The following CDH4 variants were observed in gnomAD, a reference collection of about 807,000 sequenced individuals.
CDH4 encodes the protein cadherin-4.
A neutral mutation model predicts 86.0 loss-of-function variants in CDH4; 33 were observed. That is an observed-to-expected ratio of 0.38 (90% CI 0.29 to 0.51). The LOEUF (loss-of-function observed/expected upper bound fraction) is 0.51, where lower values mean the gene tolerates loss of function less well. Ranked by LOEUF, CDH4 falls within the 20% of genes least tolerant of loss-of-function variation. The pLI is 0.86. For synonymous variants in CDH4, 555 were observed against 549.4 expected, an observed-to-expected ratio of 1.01 and a Z score of -0.14; for missense variants, 1,114 against 1,307.4, an observed-to-expected ratio of 0.85 and a Z score of 2.28.
At position 61,605,754 on chromosome 20, in the gene CDH4, C is replaced by T. The variant is rs184227260; in HGVS notation, c.170-137809C>T. Reference sequence around the variant, plus strand: ...TTCCATGAAACAGTAAGCAGATTGCCGTGAGAAGCTGTGACCTGTGGTGCA... The same window carrying T: ...TTCCATGAAACAGTAAGCAGATTGCTGTGAGAAGCTGTGACCTGTGGTGCA... On this transcript the variant is annotated intron_variant, in intron 2 of 15. Transcript: ENST00000614565. 5.9e-3 allele frequency among the ~76,000 whole-genome samples: 900 copies of T among 152,204 alleles called. 3 individuals are homozygous for T. The highest frequency in any genetic ancestry group is 0.024 in the Middle Eastern group (7 of 294).
chr20:61,482,959 C>T (rs1203699985), intron 2 of CDH4, among the ~76,000 whole-genome samples: 2 of 152,188 alleles, frequency 1.3e-5, no homozygotes, highest in Non-Finnish European at 2.9e-5. Flanking sequence ...GTTTGTGCAG[C>T]TGGAAGATGG....
chr20:61,700,859 G>C (rs2087767959), intron 2 of CDH4, among the ~76,000 whole-genome samples: 1 of 152,238 alleles, frequency 6.6e-6, no homozygotes, highest in African/African-American at 2.4e-5. Context: ...AAGCTGGAGT[G>C]CCTGATCTTG....
intron 2 of CDH4, among the ~76,000 whole-genome samples, chr20:61,537,725 G>A (rs2086008225): frequency 2.6e-5 from 4 of 152,154 alleles, no homozygotes; most frequent in Non-Finnish European, 5.9e-5. Flanking sequence ...GACTCAAAAG[G>A]CAGATGCCTT....
intron 2 of CDH4, among the ~76,000 whole-genome samples, chr20:61,611,666 C>T (rs1030714375): frequency 1.2e-4 from 18 of 152,156 alleles, no homozygotes; most frequent in African/African-American, 3.9e-4. Flanking sequence ...TGAGCGATTC[C>T]TCCTGGACTT....
Position 61,829,860 on chromosome 20 carries a change from C to T in CDH4, c.577-14808C>T, listed in dbSNP as rs1282193410. Among the ~76,000 whole-genome samples the T allele has an allele frequency of 6.6e-6, 1 of 152,098 alleles. No homozygotes were observed. Among genetic ancestry groups the T allele is most frequent in the Non-Finnish European group, 1.5e-5 (1 of 67,990 alleles). On this transcript the variant is annotated intron_variant, in intron 4 of 15. Transcript: ENST00000614565. The surrounding 1 kb of genome is among the most constrained non-coding windows in gnomAD (Gnocchi z 4.2). ...GACCAGGGGCAAAGCTCATTTCCCT[C>T]ATCCCTCCCGCCCCTAGCCTGCTGG...
At chr20:61,557,903 C>T (rs1394498544) in intron 2 of CDH4, among the ~76,000 whole-genome samples, 1 of 152,026 alleles carries the variant, frequency 6.6e-6, no homozygotes, top group Admixed American at 6.5e-5. Flanking sequence ...TGTGGTGCAC[C>T]GTCGCTGAAT....
At chr20:61,787,909 G>A (rs1196454598) in intron 4 of CDH4, among the ~76,000 whole-genome samples, 1 of 152,190 alleles carries the variant, frequency 6.6e-6, no homozygotes, top group Non-Finnish European at 1.5e-5. Flanking sequence ...CCAGGGAGAG[G>A]GTGAGAGAGA....
chr20:61,485,038 T>C (rs1443010200), intron 2 of CDH4, among the ~76,000 whole-genome samples: 4 of 152,162 alleles, frequency 2.6e-5, no homozygotes, highest in Non-Finnish European at 4.4e-5. Flanking sequence ...TGGTAAGAAA[T>C]AAGAATTTCA....
In CDH4 at chr20:61,768,300, TGTA is replaced by T. The variant is rs112129235; in HGVS notation, c.397-4700_397-4698del. Among the ~76,000 whole-genome samples, 942 of 152,324 alleles carry T rather than the reference TGTA, an allele frequency of 6.2e-3. 12 individuals are homozygous for T. The highest frequency in any genetic ancestry group is 0.021 in the African/African-American group (883 of 41,568). ...ATGTGCATTTGTGCATGTGTGTACATGTAGTCATACACCCATACATCTGTGCAT... is the reference window on the plus strand; with the variant it reads ...ATGTGCATTTGTGCATGTGTGTACATGTCATACACCCATACATCTGTGCAT... On this transcript the variant is annotated intron_variant, in intron 3 of 15. Coordinates refer to ENST00000614565, the MANE Select transcript of CDH4 (RefSeq NM_001794.5).
chr20:61,817,178 G>T (rs1980761601), intron 4 of CDH4, among the ~76,000 whole-genome samples: 1 of 152,222 alleles, frequency 6.6e-6, no homozygotes, highest in African/African-American at 2.4e-5. Context: ...GCGCAGCCCT[G>T]ATACCTGAGT....
At chr20:61,679,834 C>T (rs555243850) in intron 2 of CDH4, among the ~76,000 whole-genome samples, 4 of 152,222 alleles carry the variant, frequency 2.6e-5, no homozygotes, top group Non-Finnish European at 4.4e-5. Flanking sequence ...GAGCAGACCC[C>T]GGAGCTTTGC....
intron 2 of CDH4, among the ~76,000 whole-genome samples, chr20:61,683,474 CCGTGGGCAGG>C (rs2087541323): frequency 1.3e-5 from 2 of 152,108 alleles, no homozygotes; most frequent in African/African-American, 4.8e-5. Flanking sequence ...TCGTGGAGGC[CCGTGGGCAGG>C]TGCCCCGGGA....
chr20:61,712,161 G>A (rs1568770962), intron 2 of CDH4, among the ~76,000 whole-genome samples: 1 of 152,190 alleles, frequency 6.6e-6, no homozygotes, highest in East Asian at 1.9e-4. Context: ...TGGTGAGGCT[G>A]AGTGGTCCAA....
intron 2 of CDH4, among the ~76,000 whole-genome samples, chr20:61,279,807 C>T (rs1480538736): frequency 1.3e-5 from 2 of 152,194 alleles, no homozygotes; most frequent in Non-Finnish European, 2.9e-5. Flanking sequence ...GAGCTGTGGG[C>T]GGCCAGGTGC....
At chr20:61,784,672 G>A (rs1482597738) in intron 4 of CDH4, among the ~76,000 whole-genome samples, 57 of 69,148 alleles carry the variant, frequency 8.2e-4, no homozygotes, top group East Asian at 3.3e-3. Flanking sequence ...GCCCTCAGAT[G>A]TCCTGTGCCC....
intron 2 of CDH4, among the ~76,000 whole-genome samples, chr20:61,682,123 G>A (rs117381341): frequency 0.04 from 6,034 of 152,310 alleles, 203 homozygotes; most frequent in South Asian, 0.16. Flanking sequence ...TGGGAAGGTG[G>A]ACCAAGGAAT....
At chr20:61,891,063 C>T (rs181027030) in intron 7 of CDH4, among the ~76,000 whole-genome samples, 107 of 151,968 alleles carry the variant, frequency 7.0e-4, no homozygotes, top group East Asian at 1.2e-3. Flanking sequence ...GTCTCACCAG[C>T]GGAAGGAGGG....
At chr20:61,656,296 G>A (rs1223836583) in intron 2 of CDH4, among the ~76,000 whole-genome samples, 3 of 113,264 alleles carry the variant, frequency 2.6e-5, no homozygotes, top group South Asian at 2.9e-4. Context: ...CGCGTGCTGG[G>A]GTGGGTAGGC....
At chr20:61,343,158 G>A (rs2084657971) in intron 2 of CDH4, among the ~76,000 whole-genome samples, 1 of 152,186 alleles carries the variant, frequency 6.6e-6, no homozygotes, top group African/African-American at 2.4e-5. Context: ...TGCTGTGGCT[G>A]GTGACACGCA....
Sources: gnomAD v4.1 joint callset for allele counts (sites outside exome capture counted in the v4.1 genomes callset) on GRCh38, gnomAD v4.1.1 for gene constraint, Gnocchi (gnomAD v3.1) non-coding constraint, MANE v1.5 for transcripts, NCBI Gene and HGNC (gene_info 2026-07-23, HGNC 2026-07-21) for gene names.